The following ZNF736 variants were observed in gnomAD, a reference collection of about 807,000 sequenced individuals.
ZNF736 encodes KRAB-containing zinc-finger repressor protein.
In ZNF736, 6 loss-of-function variants were observed where a neutral mutation model predicts 11.7. That is an observed-to-expected ratio of 0.51 (90% CI 0.28 to 1.01). The LOEUF is 1.01. ZNF736 is among the 50% of genes least tolerant of loss of function. ZNF736 has a pLI of 0.09. For synonymous variants in ZNF736, 139 were observed against 164.7 expected (o/e 0.84, Z 1.19); for missense variants, 444 against 496.0 (o/e 0.90, Z 1.00).
At position 64,349,339 on chromosome 7, in the gene ZNF736, C is replaced by T; in HGVS notation, c.*192C>T. 1 of 424,794 alleles carries T rather than the reference C, an allele frequency of 2.4e-6. No individual in the cohort carries two copies. The highest frequency in any genetic ancestry group is 4.1e-6 in the Non-Finnish European group (1 of 246,886). The allele number at this position is 424,794 out of a possible 1,614,324, so 26.3% of individuals were successfully genotyped here. A position where few individuals can be genotyped will look rare whatever the true frequency, so the allele number is the denominator to read the frequency against. On this transcript the variant is annotated 3_prime_UTR_variant, in exon 4 of 4. Coordinates refer to ENST00000423484, the MANE Select transcript of ZNF736 (RefSeq NM_001170905.3). ...ATAGCCCTTTGCTATTATGTAATGCCCTTTTTTTTTAAATCTATGTTAATT... is the reference window on the plus strand; with the variant it reads ...ATAGCCCTTTGCTATTATGTAATGCTCTTTTTTTTTAAATCTATGTTAATT...
At chr7:64,323,929 AG>A (rs1789041548) in intron 1 of ZNF736, among the ~76,000 whole-genome samples, 1 of 152,214 alleles carries the variant, frequency 6.6e-6, no homozygotes, top group Admixed American at 6.5e-5. Flanking sequence ...ACCTAAAAGC[AG>A]GGGGTATTTG....
In ZNF736 at chr7:64,314,074, A is replaced by G. The variant is rs1231448083; in HGVS notation, c.-77A>G. On this transcript the variant is annotated 5_prime_UTR_variant, in exon 1 of 4. Coordinates refer to ENST00000423484, the MANE Select transcript of ZNF736 (RefSeq NM_001170905.3). ...CCTGGAGTTCCTCGGTGACTCTACTATAGCTTCTGTTATCCTGTGACCTGC... is the reference window on the plus strand; with the variant it reads ...CCTGGAGTTCCTCGGTGACTCTACTGTAGCTTCTGTTATCCTGTGACCTGC... The G allele has an allele frequency of 6.5e-7, 1 of 1,544,110 alleles. No individual in the cohort carries two copies. The highest frequency in any genetic ancestry group is 2.4e-5 in the East Asian group (1 of 40,874).
intron 3 of ZNF736, among the ~76,000 whole-genome samples, chr7:64,337,758 T>TTTG (rs1554304619): frequency 8.0e-5 from 11 of 137,014 alleles, no homozygotes; most frequent in South Asian, 2.4e-4. Context: ...TTTTTTTGGT[T>TTTG]TTTTTTTTTT....
At chr7:64,317,097 A>T (rs1261089090) in intron 1 of ZNF736, among the ~76,000 whole-genome samples, 2 of 152,210 alleles carry the variant, frequency 1.3e-5, no homozygotes, top group Non-Finnish European at 2.9e-5. Flanking sequence ...TTTTTTAAAA[A>T]ATTTCTACTT....
intron 1 of ZNF736, among the ~76,000 whole-genome samples, chr7:64,333,391 A>G (rs1789200809): frequency 1.3e-5 from 2 of 152,210 alleles, no homozygotes; most frequent in Admixed American, 1.3e-4. Context: ...CAACATTACA[A>G]ATGTTTCTTC....
In ZNF736 at chr7:64,348,319, A is replaced by G; in HGVS notation, c.456A>G (p.Arg152=). Residue 152 remains arginine, a synonymous_variant, in exon 4 of 4, where the codon AGA becomes AGG. Transcript: ENST00000423484. ...SKTCQCNKCG[R]GFQLCSIFTE... The stretch of plus-strand genomic sequence containing the variant: ...CCTGTCAATGTAATAAATGTGGCAG[A>G]GGTTTTCAGTTGTGCTCAATCTTCA... 1 of 1,551,794 alleles carries G rather than the reference A, an allele frequency of 6.4e-7. No homozygotes were observed. The highest frequency in any genetic ancestry group is 1.2e-5 in the South Asian group (1 of 84,056).
At chr7:64,324,836 A>C (rs1399208686) in intron 1 of ZNF736, among the ~76,000 whole-genome samples, 11 of 152,360 alleles carry the variant, frequency 7.2e-5, no homozygotes, top group African/African-American at 2.4e-4. Context: ...AGGTCCTATG[A>C]AACTAAATAA....
At chr7:64,343,992 G>A (rs1355387149) in intron 3 of ZNF736, among the ~76,000 whole-genome samples, 1 of 144,302 alleles carries the variant, frequency 6.9e-6, no homozygotes, top group Non-Finnish European at 1.5e-5. Flanking sequence ...GTCAATGATT[G>A]TTTTATTCTT....
intron 1 of ZNF736, among the ~76,000 whole-genome samples, chr7:64,328,985 A>G (rs1380979934): frequency 6.8e-5 from 10 of 146,702 alleles, no homozygotes; most frequent in Non-Finnish European, 1.5e-4. Context: ...ATCTGACTGT[A>G]TCTGTTCAAA....
chr7:64,315,782 A>G (rs1234841179), intron 1 of ZNF736, among the ~76,000 whole-genome samples: 2 of 152,166 alleles, frequency 1.3e-5, no homozygotes, highest in East Asian at 1.9e-4. Flanking sequence ...TAAATTTCCA[A>G]TTTCTTTCCC....
At chr7:64,341,218 A>G (rs1584274702) in intron 3 of ZNF736, among the ~76,000 whole-genome samples, 1 of 151,752 alleles carries the variant, frequency 6.6e-6, no homozygotes, top group African/African-American at 2.4e-5. Context: ...CATACTTAGT[A>G]TCATTATTTT....
chr7:64,333,557 G>A (rs1407910634), intron 1 of ZNF736, among the ~76,000 whole-genome samples: 1 of 150,454 alleles, frequency 6.6e-6, no homozygotes, highest in African/African-American at 2.4e-5. Flanking sequence ...TAATGAGAAT[G>A]GTCTTTATTG....
At chr7:64,325,056 A>G (rs1415765382) in intron 1 of ZNF736, among the ~76,000 whole-genome samples, 2 of 152,042 alleles carry the variant, frequency 1.3e-5, no homozygotes, top group Admixed American at 6.6e-5. Flanking sequence ...TTTCCCCTTC[A>G]CTATTGACTT....
At chr7:64,345,584 C>G (rs1789398441) in intron 3 of ZNF736, among the ~76,000 whole-genome samples, 1 of 151,408 alleles carries the variant, frequency 6.6e-6, no homozygotes, top group Non-Finnish European at 1.5e-5. Flanking sequence ...AAAAAATTAG[C>G]TGGGCGTGGT....
intron 1 of ZNF736, among the ~76,000 whole-genome samples, chr7:64,317,825 C>CT (rs1788938285): frequency 6.6e-6 from 1 of 151,730 alleles, no homozygotes; most frequent in East Asian, 1.9e-4. Context: ...TTTTCTTTAT[C>CT]TTTTTTCTCT....
intron 1 of ZNF736, among the ~76,000 whole-genome samples, chr7:64,320,138 G>A (rs1788984218): frequency 2.0e-5 from 3 of 152,174 alleles, no homozygotes; most frequent in African/African-American, 7.2e-5. Context: ...AAGAAATCCT[G>A]TATGACTTTA....
chr7:64,324,998 TC>T (rs1276764928), intron 1 of ZNF736, among the ~76,000 whole-genome samples: 1 of 152,230 alleles, frequency 6.6e-6, no homozygotes, highest in African/African-American at 2.4e-5. Flanking sequence ...ACAGCTGCAT[TC>T]TTTTGTCAGG....
At chr7:64,334,120 C>T (rs1389967783) in intron 1 of ZNF736, among the ~76,000 whole-genome samples, 1 of 152,136 alleles carries the variant, frequency 6.6e-6, no homozygotes, top group Admixed American at 6.5e-5. Context: ...GACCACCCTC[C>T]CTTACACCTT....
chr7:64,335,780 G>C (rs1312893779), intron 1 of ZNF736, among the ~76,000 whole-genome samples: 1 of 152,060 alleles, frequency 6.6e-6, no homozygotes, highest in East Asian at 1.9e-4. Context: ...TATTCTCCTT[G>C]GGCCAGAAGC....
Sources: allele counts gnomAD v4.1 joint callset (sites outside exome capture counted in the v4.1 genomes callset), GRCh38; gene constraint gnomAD v4.1.1; transcripts MANE v1.5; gene names NCBI Gene and HGNC (gene_info 2026-07-23, HGNC 2026-07-21).